SLC44A3: variants seen among roughly 807,000 people sequenced by gnomAD.
The protein encoded by SLC44A3 is choline transporter-like protein 3.
Under a neutral mutation model 75.4 loss-of-function variants are expected in SLC44A3, and 74 were observed. That is an observed-to-expected ratio of 0.98 (90% CI 0.81 to 1.19). SLC44A3 has a LOEUF of 1.19. SLC44A3 is among the 50% of genes most tolerant of loss of function. SLC44A3 has a pLI of 0.00. For synonymous variants in SLC44A3, 310 were observed against 296.9 expected (o/e 1.04, Z -0.45); for missense variants, 700 against 778.6 (o/e 0.90, Z 1.20).
intron 9 of SLC44A3, among the ~76,000 whole-genome samples, chr1:94,852,549 G>T (rs572515557): frequency 2.0e-5 from 3 of 152,242 alleles, no homozygotes; most frequent in Admixed American, 2.0e-4. Flanking sequence ...CAGATCCTGG[G>T]GCCTTTCTGG....
chr1:94,857,870 G>A (rs1396032966), intron 10 of SLC44A3, among the ~76,000 whole-genome samples: 2 of 130,774 alleles, frequency 1.5e-5, no homozygotes, highest in East Asian at 4.8e-4. Flanking sequence ...CTGGAGTGCA[G>A]TGGCGCGATC....
chr1:94,849,378 A>G (rs3860358), intron 9 of SLC44A3, among the ~76,000 whole-genome samples: 3 of 152,044 alleles, frequency 2.0e-5, no homozygotes, highest in Non-Finnish European at 4.4e-5. Flanking sequence ...GGGGTCAGGC[A>G]TCATAGAAAC....
At chr1:94,884,424 C>T (rs1216450417) in intron 12 of SLC44A3, among the ~76,000 whole-genome samples, 1 of 152,132 alleles carries the variant, frequency 6.6e-6, no homozygotes, top group Non-Finnish European at 1.5e-5. Flanking sequence ...CAAGGAAGGC[C>T]CCTGGATGTA....
At chr1:94,824,715 A>G (rs1239119533) in intron 3 of SLC44A3, 80 bp downstream of exon 3, 1 of 1,458,272 alleles carries the variant, frequency 6.9e-7, no homozygotes, top group Non-Finnish European at 9.1e-7. Context: ...GGAGCCTGGA[A>G]ACTTTTCCCA....
At position 94,835,733 on chromosome 1, in the gene SLC44A3, T is replaced by C. The variant is rs191252659; in HGVS notation, c.510-1978T>C. Among the ~76,000 whole-genome samples, 163 of 152,326 alleles carry C rather than the reference T, an allele frequency of 1.1e-3. 1 individual carries two copies. Among genetic ancestry groups the C allele is most frequent in the African/African-American group, 3.7e-3 (154 of 41,572 alleles). On this transcript the variant is annotated intron_variant, in intron 5 of 14. Transcript: ENST00000271227. ...ATTTTGGAGTAGAATTTTTATTATC[T>C]TTGAGCTCAGCCGCAAATTCCATTT...
chr1:94,841,484 C>T (rs756458554), intron 7 of SLC44A3, among the ~76,000 whole-genome samples: 6 of 152,142 alleles, frequency 3.9e-5, no homozygotes, highest in African/African-American at 7.2e-5. Flanking sequence ...GGTGGTATTT[C>T]GTACCTAAAT....
chr1:94,893,369 C>T (rs983895616), intron 14 of SLC44A3, among the ~76,000 whole-genome samples: 1 of 151,902 alleles, frequency 6.6e-6, no homozygotes, highest in Admixed American at 6.6e-5. Context: ...CCATATAAAA[C>T]ATAAACTACA....
intron 7 of SLC44A3, among the ~76,000 whole-genome samples, chr1:94,841,344 A>G (rs887165249): frequency 1.3e-5 from 2 of 152,164 alleles, no homozygotes; most frequent in Non-Finnish European, 1.5e-5. Context: ...CTTTCCCCTG[A>G]GTCATCAGCT....
Position 94,842,132 on chromosome 1 carries a change from A to G in SLC44A3, c.885+8A>G. On this transcript the variant is annotated splice_region_variant and intron_variant, in intron 8 of 14. Coordinates refer to ENST00000271227, the MANE Select transcript of SLC44A3 (RefSeq NM_001114106.3). ...GTATCCACAGGCATCACGGTAAGAA[A>G]TGCTCTTCTAGCAGTAGGTCAGGTA... The G allele has an allele frequency of 6.2e-7, 1 of 1,601,082 alleles. No homozygotes were observed.
At chr1:94,834,644 C>T (rs1363684174) in intron 5 of SLC44A3, among the ~76,000 whole-genome samples, 1 of 152,044 alleles carries the variant, frequency 6.6e-6, no homozygotes, top group Non-Finnish European at 1.5e-5. Flanking sequence ...ACCACGACAC[C>T]TGGCTAGTTT....
intron 3 of SLC44A3, among the ~76,000 whole-genome samples, chr1:94,826,384 G>C (rs754810245): frequency 3.3e-5 from 5 of 152,202 alleles, no homozygotes; most frequent in Non-Finnish European, 7.3e-5. Flanking sequence ...TGGTGCAGTG[G>C]CTCATGCCTG....
At chr1:94,881,971 G>A (rs1328711618) in intron 12 of SLC44A3, among the ~76,000 whole-genome samples, 1 of 151,972 alleles carries the variant, frequency 6.6e-6, no homozygotes, top group Non-Finnish European at 1.5e-5. Context: ...AGTGAGCTGA[G>A]ATCGCACCAC....
chr1:94,833,304 G>T (rs889135765), intron 5 of SLC44A3, among the ~76,000 whole-genome samples: 1 of 152,184 alleles, frequency 6.6e-6, no homozygotes, highest in Non-Finnish European at 1.5e-5. Flanking sequence ...CATGTTTTGG[G>T]TTCTTCGGGG....
intron 9 of SLC44A3, among the ~76,000 whole-genome samples, chr1:94,855,071 T>C (rs954104830): frequency 2.0e-5 from 3 of 152,192 alleles, no homozygotes; most frequent in Non-Finnish European, 4.4e-5. Context: ...AATGCCATTC[T>C]TTGGGGGAAT....
chr1:94,830,517 A>T (rs1276380651), intron 5 of SLC44A3, among the ~76,000 whole-genome samples: 1 of 152,138 alleles, frequency 6.6e-6, no homozygotes, highest in East Asian at 1.9e-4. Flanking sequence ...GGCCTATAAT[A>T]TCTTATTTTT....
At chr1:94,892,544 C>T (rs1337561564) in intron 14 of SLC44A3, 27 bp downstream of exon 14, 4 of 1,591,836 alleles carry the variant, frequency 2.5e-6, no homozygotes, top group East Asian at 4.5e-5. Flanking sequence ...TTTCCAATTG[C>T]AATCTCCATG....
chr1:94,891,688 C>G (rs532640449), intron 13 of SLC44A3, among the ~76,000 whole-genome samples: 1 of 152,060 alleles, frequency 6.6e-6, no homozygotes, highest in African/African-American at 2.4e-5. Flanking sequence ...TTTGGGATAC[C>G]GAGGCAGGCA....
At chr1:94,841,925 T>C (rs1231531848) in intron 7 of SLC44A3, 75 bp from the exon 8 acceptor site, 13 of 1,507,864 alleles carry the variant, frequency 8.6e-6, no homozygotes, top group Non-Finnish European at 1.2e-5. Context: ...CTGGACTTCC[T>C]GTGTGATTCT....
At chr1:94,845,965 G>A (rs1440726612) in intron 9 of SLC44A3, among the ~76,000 whole-genome samples, 1 of 152,078 alleles carries the variant, frequency 6.6e-6, no homozygotes, top group Non-Finnish European at 1.5e-5. Flanking sequence ...TGACCAACAT[G>A]GTGAAACCCC....
Sources: gnomAD v4.1 joint callset for allele counts (sites outside exome capture counted in the v4.1 genomes callset) on GRCh38, gnomAD v4.1.1 for gene constraint, MANE v1.5 for transcripts, NCBI Gene and HGNC (gene_info 2026-07-23, HGNC 2026-07-21) for gene names.